SORCS3: variants seen among roughly 807,000 people sequenced by gnomAD.
The protein encoded by SORCS3 is sortilin related VPS10 domain containing receptor 3.
SORCS3 carries 57 observed loss-of-function variants against 146.3 expected under a neutral mutation model. That is an observed-to-expected ratio of 0.39 (90% CI 0.31 to 0.49). The LOEUF (loss-of-function observed/expected upper bound fraction) is 0.49, where lower values mean the gene tolerates loss of function less well. Among genes scored for constraint, SORCS3 ranks in the 20% least tolerant of loss-of-function variants. The pLI is 0.92. For synonymous variants in SORCS3, 653 were observed against 618.5 expected, an observed-to-expected ratio of 1.06 and a Z score of -0.83; for missense variants, 1,341 against 1,575.5, an observed-to-expected ratio of 0.85 and a Z score of 2.52.
chr10:104,737,942 T>C (rs1211951098), intron 1 of SORCS3, among the ~76,000 whole-genome samples: 1 of 150,964 alleles, frequency 6.6e-6, no homozygotes, highest in Non-Finnish European at 1.5e-5. Context: ...CATCTTGAAT[T>C]GATTTTTGTA....
At chr10:104,746,327 G>A (rs550489156) in intron 1 of SORCS3, among the ~76,000 whole-genome samples, 44 of 152,076 alleles carry the variant, frequency 2.9e-4, no homozygotes, top group African/African-American at 4.3e-4. Flanking sequence ...TAGTAGAGAC[G>A]GGGTTTCACC....
chr10:105,116,752 G>T (rs1334226188), intron 7 of SORCS3, among the ~76,000 whole-genome samples: 2 of 152,086 alleles, frequency 1.3e-5, no homozygotes, highest in Admixed American at 1.3e-4. Flanking sequence ...GATGGAGCTG[G>T]AGGCCATTAT....
intron 2 of SORCS3, among the ~76,000 whole-genome samples, chr10:104,848,676 C>T (rs1468311409): frequency 5.9e-5 from 9 of 152,170 alleles, no homozygotes; most frequent in East Asian, 1.9e-4. Flanking sequence ...AAAACTGGGA[C>T]GGTCTCCTAT....
At chr10:104,976,122 C>A (rs969967639) in intron 3 of SORCS3, among the ~76,000 whole-genome samples, 21 of 152,134 alleles carry the variant, frequency 1.4e-4, no homozygotes, top group African/African-American at 5.1e-4. Flanking sequence ...AGTGAACAGG[C>A]AACCCACACA....
chr10:104,925,763 G>T (rs1264916569), intron 3 of SORCS3, among the ~76,000 whole-genome samples: 1 of 152,182 alleles, frequency 6.6e-6, no homozygotes, highest in Non-Finnish European at 1.5e-5. Context: ...AATTGCTGTG[G>T]TCCACAGAGG....
chr10:105,122,709 A>C (rs758555704), intron 7 of SORCS3, among the ~76,000 whole-genome samples: 2 of 152,260 alleles, frequency 1.3e-5, no homozygotes, highest in Non-Finnish European at 2.9e-5. Flanking sequence ...AAAAGCATTT[A>C]AGAAATTGCT....
rs142761188 is a variant in SORCS3, at chr10:105,028,804, G to T, written c.955-14251G>T. On this transcript the variant is annotated intron_variant, in intron 4 of 26. Transcript: ENST00000369701. Reference sequence around the variant, plus strand: ...TTGTTATATGCTTTGGGCCCCTGGTGTTAGAGGTCAAAGAGATGCAAAACC... The same window carrying T: ...TTGTTATATGCTTTGGGCCCCTGGTTTTAGAGGTCAAAGAGATGCAAAACC... Among the ~76,000 whole-genome samples the T allele has an allele frequency of 9.2e-5, 14 of 152,246 alleles. No homozygotes were observed. The East Asian group carries it at 2.5e-3, about 27-fold the overall frequency.
chr10:105,171,334 C>A (rs1210122534), intron 13 of SORCS3, among the ~76,000 whole-genome samples: 2 of 152,182 alleles, frequency 1.3e-5, no homozygotes, highest in East Asian at 3.9e-4. Flanking sequence ...GGAAACCCTC[C>A]ATCTCCTTTG....
intron 7 of SORCS3, among the ~76,000 whole-genome samples, chr10:105,123,917 T>C (rs540600478): frequency 2.6e-5 from 4 of 152,324 alleles, no homozygotes; most frequent in African/African-American, 4.8e-5. Flanking sequence ...TTTCATCTTT[T>C]ATAGTTATTA....
At chr10:104,858,001 G>C (rs572730890) in intron 2 of SORCS3, among the ~76,000 whole-genome samples, 1 of 152,074 alleles carries the variant, frequency 6.6e-6, no homozygotes, top group Non-Finnish European at 1.5e-5. Context: ...CTTCATATTG[G>C]CATCCTCTTC....
At chr10:104,946,571 A>G (rs994716442) in intron 3 of SORCS3, among the ~76,000 whole-genome samples, 1 of 152,126 alleles carries the variant, frequency 6.6e-6, no homozygotes, top group African/African-American at 2.4e-5. Context: ...AATAAAACCC[A>G]TCTCCTGCTT....
chr10:105,214,465 A>C lies in SORCS3; in HGVS notation c.2399A>C (p.Asn800Thr), dbSNP rs749882577. Residue 800 changes from asparagine to threonine, a missense_variant, in exon 18 of 27, where the codon AAC becomes ACC. Transcript: ENST00000369701. ...AGGTATCGGCGGATTGTGTCCAACA[A>C]CTGCACAGATGGGCTAAGGGAGAAG... ...STGYRRIVSNNCTDGLREKYT... is the reference protein window; with the variant it reads ...STGYRRIVSNTCTDGLREKYT... 1 of 1,614,086 alleles carries C rather than the reference A, an allele frequency of 6.2e-7. No individual in the cohort carries two copies. Among genetic ancestry groups the C allele is most frequent in the Non-Finnish European group, 8.5e-7 (1 of 1,179,998 alleles).
chr10:104,765,329 T>A (rs1196475499), intron 1 of SORCS3, among the ~76,000 whole-genome samples: 4 of 152,128 alleles, frequency 2.6e-5, no homozygotes, highest in Non-Finnish European at 5.9e-5. Flanking sequence ...AATACCAACA[T>A]GAAGAAATGA....
rs1263391406 is a variant in SORCS3 at position 105,263,318 on chromosome 10, G to A, written c.3613G>A (p.Ala1205Thr). ...ELDTRVIGGI[A>T]TIANSESTKE... ...TCTTCTCTTCTCTGCAGGAGGCATT[G>A]CCACTATTGCAAACAGCGAAAGCAC... Residue 1205 changes from alanine to threonine, a missense_variant, in exon 27 of 27, where the codon GCC becomes ACC. Transcript: ENST00000369701. The A allele has an allele frequency of 6.2e-7, 1 of 1,613,934 alleles. No individual in the cohort carries two copies. The highest frequency in any genetic ancestry group is 8.5e-7 in the Non-Finnish European group (1 of 1,179,956).
intron 1 of SORCS3, among the ~76,000 whole-genome samples, chr10:104,840,161 A>T (rs1162195386): frequency 1.3e-5 from 2 of 152,152 alleles, no homozygotes; most frequent in Non-Finnish European, 2.9e-5. Flanking sequence ...TGCTTCCTGC[A>T]GGTGGAGATC....
intron 8 of SORCS3, among the ~76,000 whole-genome samples, chr10:105,141,811 C>G (rs146211579): frequency 1.3e-5 from 2 of 152,294 alleles, no homozygotes; most frequent in South Asian, 4.1e-4. Flanking sequence ...AGGGAAAAGA[C>G]AGGTGAGCTT....
In SORCS3 at chr10:105,261,911, A is replaced by T. The variant is rs923973894; in HGVS notation, c.3444-420A>T. Among the ~76,000 whole-genome samples, 12 of 152,046 alleles carry T rather than the reference A, an allele frequency of 7.9e-5. No individual in the cohort carries two copies. The South Asian group carries it at 1.9e-3, about 24-fold the overall frequency. ...CTATTATTTCTTGACTATTTATTTT[A>T]AAAAAGCCAATGTGGATTGATTAAA... On this transcript the variant is annotated intron_variant, in intron 25 of 26. Coordinates refer to ENST00000369701, the MANE Select transcript of SORCS3 (RefSeq NM_014978.3).
chr10:104,730,979 C>A (rs2016699469), intron 1 of SORCS3, among the ~76,000 whole-genome samples: 2 of 152,328 alleles, frequency 1.3e-5, no homozygotes, highest in Non-Finnish European at 2.9e-5. Context: ...CTGTTCTACC[C>A]TGTGGATCAC....
At chr10:104,880,126 C>T (rs534336466) in intron 2 of SORCS3, among the ~76,000 whole-genome samples, 8 of 152,178 alleles carry the variant, frequency 5.3e-5, no homozygotes, top group Non-Finnish European at 1.2e-4. Context: ...GGCAAGCCTA[C>T]GTTATCTTCC....
Sources: gnomAD v4.1 joint callset for allele counts (sites outside exome capture counted in the v4.1 genomes callset) on GRCh38, gnomAD v4.1.1 for gene constraint, MANE v1.5 for transcripts, NCBI Gene and HGNC (gene_info 2026-07-23, HGNC 2026-07-21) for gene names.